Variants in DISC1 observed in about 807,000 individuals in gnomAD.
DISC1 encodes disrupted in schizophrenia 1 protein.
A neutral mutation model predicts 84.5 loss-of-function variants in DISC1; 57 were observed. The ratio of observed to expected loss-of-function variants is 0.67; its 90% CI spans 0.55 to 0.84. The LOEUF (loss-of-function observed/expected upper bound fraction) is 0.84, where lower values mean the gene tolerates loss of function less well. Ranked by LOEUF, DISC1 falls within the 40% of genes least tolerant of loss-of-function variation. The pLI is 0.00. For synonymous variants in DISC1, 411 were observed against 415.2 expected (o/e 0.99, Z 0.12); for missense variants, 1,000 against 1,057.8 (o/e 0.95, Z 0.76).
At chr1:231,778,608 C>A (rs1396501682) in intron 6 of DISC1, among the ~76,000 whole-genome samples, 2 of 152,074 alleles carry the variant, frequency 1.3e-5, no homozygotes, top group African/African-American at 2.4e-5. Flanking sequence ...GTATATCCTC[C>A]CGTTTTCTTC....
chr1:231,745,098 C>T (rs2073819868), intron 3 of DISC1, among the ~76,000 whole-genome samples: 1 of 151,846 alleles, frequency 6.6e-6, no homozygotes, highest in African/African-American at 2.4e-5. Flanking sequence ...ATTGATTTTT[C>T]CCCACTTAAA....
intron 3 of DISC1, among the ~76,000 whole-genome samples, chr1:231,715,237 A>G (rs1017756940): frequency 6.6e-6 from 1 of 152,230 alleles, no homozygotes; most frequent in African/African-American, 2.4e-5. Context: ...CAGTGCAGAT[A>G]AAAATAGTAG....
intron 11 of DISC1, among the ~76,000 whole-genome samples, chr1:232,025,652 A>G (rs946830499): frequency 3.5e-5 from 5 of 144,040 alleles, no homozygotes; most frequent in African/African-American, 5.2e-5. Context: ...GCTGGAGTGC[A>G]GTGGTGCAAT....
rs188384998 is a variant in DISC1 at position 231,910,299 on chromosome 1, C to T, written c.1982-48529C>T. Among the ~76,000 whole-genome samples, 96 of 152,258 alleles carry T rather than the reference C, an allele frequency of 6.3e-4. No homozygotes were observed. In the East Asian group the frequency reaches 0.014, roughly 22 times the overall value. On this transcript the variant is annotated intron_variant, in intron 9 of 12. Transcript: ENST00000439617. The stretch of plus-strand genomic sequence containing the variant: ...CAATTTTAGAGCTTTCCTGCTTTCT[C>T]TTGTGGGCATGTAGTGCTATAAATT...
chr1:231,995,329 T>A (rs1352622989), intron 10 of DISC1, among the ~76,000 whole-genome samples: 1 of 151,890 alleles, frequency 6.6e-6, no homozygotes, highest in Admixed American at 6.5e-5. Context: ...TTTTTTCTTT[T>A]TTTATTTATT....
At chr1:231,830,584 C>G (rs1185701236) in intron 9 of DISC1, among the ~76,000 whole-genome samples, 1 of 152,106 alleles carries the variant, frequency 6.6e-6, no homozygotes, top group East Asian at 1.9e-4. Flanking sequence ...TAAACAAGAG[C>G]AGGGCATGTA....
chr1:231,750,906 A>G (rs16854903), intron 4 of DISC1, among the ~76,000 whole-genome samples: 4,709 of 152,282 alleles, frequency 0.031, 168 homozygotes, highest in African/African-American at 0.084. Flanking sequence ...GGTCCTGACA[A>G]TCACAAGATT....
chr1:231,958,927 C>T lies in DISC1; in HGVS notation c.2042+39C>T, dbSNP rs765652283. On this transcript the variant is annotated intron_variant, in intron 10 of 12. Coordinates refer to ENST00000439617, the MANE Select transcript of DISC1 (RefSeq NM_018662.3). ...TTTCTGTATTTCAGACTCCGTAGCA[C>T]ATCTAGATTCTTTATTATAACAGAA... 7 of 1,572,234 alleles carry T rather than the reference C, an allele frequency of 4.5e-6. No individual in the cohort carries two copies. The South Asian group carries it at 8.6e-5, about 19-fold the overall frequency.
chr1:232,031,591 G>A lies in DISC1; in HGVS notation c.2425+5039G>A, dbSNP rs1670061871. Among the ~76,000 whole-genome samples the A allele has an allele frequency of 6.6e-6, 1 of 152,200 alleles. No homozygotes were observed. Among genetic ancestry groups the A allele is most frequent in the Non-Finnish European group, 1.5e-5 (1 of 68,038 alleles). On this transcript the variant is annotated intron_variant, in intron 12 of 12. Transcript: ENST00000439617. This position sits in a 1 kb window ranked among gnomAD's most constrained non-coding sequence, Gnocchi z 4.6. ...CTAAAGCTTTGTGTGTGATGGGCTG[G>A]TGCAGATATAGTAGTCACAGTTCTT...
chr1:231,745,761 C>A (rs1414572758), intron 3 of DISC1, among the ~76,000 whole-genome samples: 5 of 152,108 alleles, frequency 3.3e-5, no homozygotes, highest in Non-Finnish European at 7.3e-5. Context: ...TGACATCAAC[C>A]CTGATACAGT....
chr1:232,014,122 T>A (rs1304037102), intron 11 of DISC1, among the ~76,000 whole-genome samples: 1 of 152,186 alleles, frequency 6.6e-6, no homozygotes, highest in Non-Finnish European at 1.5e-5. Flanking sequence ...TGATCCACAA[T>A]GAAGATGTTT....
At chr1:231,893,311 G>T (rs1411933671) in intron 9 of DISC1, among the ~76,000 whole-genome samples, 1 of 152,140 alleles carries the variant, frequency 6.6e-6, no homozygotes, top group African/African-American at 2.4e-5. Flanking sequence ...ATGTGTATAT[G>T]TGCGGTTAAT....
At chr1:231,951,801 C>T (rs1454501467) in intron 9 of DISC1, among the ~76,000 whole-genome samples, 5 of 152,000 alleles carry the variant, frequency 3.3e-5, no homozygotes, top group African/African-American at 1.2e-4. Flanking sequence ...TGTGGTGGCT[C>T]ACACCTGTAA....
rs114523317 is a variant in DISC1, at chr1:231,970,653, A to G, written c.2042+11765A>G. Among the ~76,000 whole-genome samples, 471 of 152,340 alleles carry G rather than the reference A, an allele frequency of 3.1e-3. 2 individuals are homozygous for G. The highest frequency in any genetic ancestry group is 0.011 in the African/African-American group (437 of 41,576). ...AGATAGCCTGAAGAAAAAGATGACCATGACTTTCACTAATAGAATAGAAAA... is the reference window on the plus strand; with the variant it reads ...AGATAGCCTGAAGAAAAAGATGACCGTGACTTTCACTAATAGAATAGAAAA... On this transcript the variant is annotated intron_variant, in intron 10 of 12. Coordinates refer to ENST00000439617, the MANE Select transcript of DISC1 (RefSeq NM_018662.3).
chr1:231,861,224 G>A (rs1294057971), intron 9 of DISC1, among the ~76,000 whole-genome samples: 1 of 152,150 alleles, frequency 6.6e-6, no homozygotes, highest in Non-Finnish European at 1.5e-5. Context: ...ACATGATTGA[G>A]AGTGTGCTTC....
At chr1:231,746,154 A>G (rs190078718) in intron 3 of DISC1, among the ~76,000 whole-genome samples, 2 of 152,340 alleles carry the variant, frequency 1.3e-5, no homozygotes, top group African/African-American at 4.8e-5. Context: ...TAGCAATGCA[A>G]AACGGATTTA....
At chr1:231,748,497 CAT>C (rs1421129603) in intron 3 of DISC1, among the ~76,000 whole-genome samples, 4 of 152,142 alleles carry the variant, frequency 2.6e-5, no homozygotes, top group Admixed American at 6.5e-5. Context: ...TTGAGATGAT[CAT>C]ATGATTTTTG....
At chr1:231,661,315 G>C (rs1305305111) in intron 1 of DISC1, among the ~76,000 whole-genome samples, 1 of 152,084 alleles carries the variant, frequency 6.6e-6, no homozygotes, top group African/African-American at 2.4e-5. Flanking sequence ...GAGTTCTCTT[G>C]AATGATATCC....
Position 231,715,825 on chromosome 1 carries a change from A to T in DISC1, c.1117+13801A>T, listed in dbSNP as rs12142557. On this transcript the variant is annotated intron_variant, in intron 3 of 12. Transcript: ENST00000439617. ...ATTTTAGTATATTGTTAGTTGAGGTATAGTTTCCAAACAAAGAGCCGTGAA... is the reference window on the plus strand; with the variant it reads ...ATTTTAGTATATTGTTAGTTGAGGTTTAGTTTCCAAACAAAGAGCCGTGAA... Among the ~76,000 whole-genome samples the T allele has an allele frequency of 8.2e-3, 1,251 of 152,314 alleles. 12 individuals carry two copies. Among genetic ancestry groups the T allele is most frequent in the South Asian group, 0.024 (115 of 4,830 alleles).
Sources: allele counts gnomAD v4.1 joint callset (sites outside exome capture counted in the v4.1 genomes callset), GRCh38; gene constraint gnomAD v4.1.1; non-coding constraint Gnocchi (gnomAD v3.1); transcripts MANE v1.5; gene names NCBI Gene and HGNC (gene_info 2026-07-23, HGNC 2026-07-21).